TGFBR3: variants seen among roughly 807,000 people sequenced by gnomAD.
TGFBR3 encodes transforming growth factor beta receptor type 3.
In TGFBR3, 46 loss-of-function variants were observed where a neutral mutation model predicts 87.9. That is an observed-to-expected ratio of 0.52 (90% CI 0.41 to 0.67). The LOEUF is 0.67. TGFBR3 is among the 30% of genes least tolerant of loss of function. TGFBR3 has a pLI of 0.00. For missense variants in TGFBR3, 866 were observed against 1,041.9 expected, an observed-to-expected ratio of 0.83 and a Z score of 2.32; for synonymous variants, 381 against 391.6, an observed-to-expected ratio of 0.97 and a Z score of 0.32.
intron 3 of TGFBR3, among the ~76,000 whole-genome samples, chr1:91,792,600 G>A (rs1450530652): frequency 6.6e-6 from 1 of 152,186 alleles, no homozygotes; most frequent in Non-Finnish European, 1.5e-5. Context: ...AAAATTAGAT[G>A]ATAGGAAACA....
intron 2 of TGFBR3, among the ~76,000 whole-genome samples, chr1:91,821,921 A>G (rs1676464688): frequency 6.6e-6 from 1 of 152,224 alleles, no homozygotes; most frequent in Non-Finnish European, 1.5e-5. Flanking sequence ...AGATTTCAGT[A>G]TCAATTCTCC....
rs1670873472 is a variant in TGFBR3 at position 91,680,526 on chromosome 1, A to G, written c.*3213T>C. On this transcript the variant is annotated 3_prime_UTR_variant, in exon 17 of 17. Transcript: ENST00000212355. ...GGTACTCGTTTTACCCTCATAGATG[A>G]TGAAAACCAGCAACAAAATCAGGCT... The G allele has an allele frequency of 6.6e-6, 3 of 453,992 alleles. No homozygotes were observed. The highest frequency in any genetic ancestry group is 1.3e-5 in the Non-Finnish European group (3 of 226,792). 28.1% of individuals were successfully genotyped at this position (453,992 alleles called of 1,614,324 possible).
At chr1:91,800,567 C>T (rs958490826) in intron 2 of TGFBR3, among the ~76,000 whole-genome samples, 1 of 151,664 alleles carries the variant, frequency 6.6e-6, no homozygotes, top group African/African-American at 2.4e-5. Flanking sequence ...ATACACTCAA[C>T]AGTGTGTTCC....
At chr1:91,856,385 GAAC>G (rs759270214) in intron 2 of TGFBR3, among the ~76,000 whole-genome samples, 1 of 152,102 alleles carries the variant, frequency 6.6e-6, no homozygotes, top group South Asian at 2.1e-4. Context: ...AGTTTTGTCA[GAAC>G]AACACTAACA....
upstream of TGFBR3, among the ~76,000 whole-genome samples, chr1:91,886,921 C>T (rs1679335854): frequency 6.6e-6 from 1 of 152,040 alleles, no homozygotes; most frequent in Non-Finnish European, 1.5e-5. Context: ...TGTGCCTGTG[C>T]GACGTCCTAA....
chr1:91,902,271 TTGTG>T (rs200355608), intron 1 of TGFBR3, among the ~76,000 whole-genome samples: 2 of 148,352 alleles, frequency 1.3e-5, no homozygotes, highest in East Asian at 2.0e-4. Flanking sequence ...TCCTTTTCTT[TTGTG>T]TGTGTGTGTG....
intron 2 of TGFBR3, among the ~76,000 whole-genome samples, chr1:91,859,958 T>C (rs1224153668): frequency 6.6e-6 from 1 of 151,800 alleles, no homozygotes; most frequent in Non-Finnish European, 1.5e-5. Flanking sequence ...CATTCTACTT[T>C]CCAATCCATA....
intron 3 of TGFBR3, among the ~76,000 whole-genome samples, chr1:91,786,958 C>A (rs953386215): frequency 6.6e-6 from 1 of 152,078 alleles, no homozygotes; most frequent in African/African-American, 2.4e-5. Flanking sequence ...TGTACCTATA[C>A]CGGCCCTAAG....
intron 1 of TGFBR3, among the ~76,000 whole-genome samples, chr1:91,880,731 C>G (rs1011507417): frequency 6.6e-6 from 1 of 151,822 alleles, no homozygotes; most frequent in Non-Finnish European, 1.5e-5. Flanking sequence ...ATAAATCTGA[C>G]AGCCAGGAGC....
chr1:91,822,293 TAAAAAAAAAAAAAAA>T (rs71087974), intron 2 of TGFBR3, among the ~76,000 whole-genome samples: 1 of 93,326 alleles, frequency 1.1e-5, no homozygotes, highest in African/African-American at 5.2e-5. Context: ...AGCAAAGCAT[TAAAAAAAAAAAAAAA>T]AAAAAAAAAA....
At chr1:91,905,578 G>T (rs1441875306) in intron 1 of TGFBR3, among the ~76,000 whole-genome samples, 1 of 151,980 alleles carries the variant, frequency 6.6e-6, no homozygotes, top group African/African-American at 2.4e-5. Flanking sequence ...GATTACAGGC[G>T]CCCACCAGCA....
chr1:91,784,935 G>A (rs1674902568), intron 3 of TGFBR3, among the ~76,000 whole-genome samples: 1 of 152,170 alleles, frequency 6.6e-6, no homozygotes, highest in African/African-American at 2.4e-5. Context: ...TTCCTGCAAA[G>A]GGCTGAATAG....
intron 2 of TGFBR3, among the ~76,000 whole-genome samples, chr1:91,810,456 C>A (rs1675989578): frequency 6.6e-6 from 1 of 152,180 alleles, no homozygotes; most frequent in Admixed American, 6.5e-5. Context: ...TTTTATAAAT[C>A]TATTGCTTCA....
intron 1 of TGFBR3, among the ~76,000 whole-genome samples, chr1:91,868,490 C>T (rs1477502385): frequency 6.6e-6 from 1 of 151,996 alleles, no homozygotes. Context: ...GTGGTGAAGC[C>T]ATTGCCTCAA....
chr1:91,853,299 A>G (rs112721924), intron 2 of TGFBR3, among the ~76,000 whole-genome samples: 7 of 148,414 alleles, frequency 4.7e-5, no homozygotes, highest in African/African-American at 1.7e-4. Context: ...GAAGAAAAAA[A>G]GGGGAGGGGG....
upstream of TGFBR3, among the ~76,000 whole-genome samples, chr1:91,889,611 A>C (rs1184066640): frequency 6.6e-6 from 1 of 152,226 alleles, no homozygotes; most frequent in Non-Finnish European, 1.5e-5. Flanking sequence ...AAGGTTTAAA[A>C]TAAACTTGAA....
chr1:91,872,165 G>C (rs1336662055), intron 1 of TGFBR3, among the ~76,000 whole-genome samples: 3 of 152,152 alleles, frequency 2.0e-5, no homozygotes, highest in Non-Finnish European at 4.4e-5. Flanking sequence ...GAACCATGCC[G>C]ATGTTATCTC....
chr1:91,890,409 C>CTTTTTTTTTTTTTTTTTTTTTTTTTTT (rs1175619952), upstream of TGFBR3, among the ~76,000 whole-genome samples: 1 of 60,364 alleles, frequency 1.7e-5, no homozygotes, highest in Non-Finnish European at 2.8e-5. Context: ...TCTCTATAAT[C>CTTTTTTTTTTTTTTTTTTTTTTTTTTT]TTTTTTTTTT....
chr1:91,811,661 T>C (rs150077168), intron 2 of TGFBR3, among the ~76,000 whole-genome samples: 1 of 152,282 alleles, frequency 6.6e-6, no homozygotes, highest in African/African-American at 2.4e-5. Flanking sequence ...TTCAATCAAA[T>C]TGTATTTAAC....
Sources: allele counts gnomAD v4.1 joint callset (sites outside exome capture counted in the v4.1 genomes callset), GRCh38; gene constraint gnomAD v4.1.1; transcripts MANE v1.5; gene names NCBI Gene and HGNC (gene_info 2026-07-23, HGNC 2026-07-21).